Variants in NUDT3 observed in about 807,000 individuals in gnomAD.
NUDT3 encodes the protein diphosphoinositol polyphosphate phosphohydrolase 1.
A neutral mutation model predicts 23.6 loss-of-function variants in NUDT3; 9 were observed. That is an observed-to-expected ratio of 0.38 (90% CI 0.23 to 0.66). The LOEUF (loss-of-function observed/expected upper bound fraction) is 0.66. Ranked by LOEUF, NUDT3 falls within the 30% of genes least tolerant of loss-of-function variation. The pLI, the probability that NUDT3 is intolerant of heterozygous loss-of-function variation, is 0.52. For missense variants in NUDT3, 172 were observed against 218.5 expected, an observed-to-expected ratio of 0.79 and a Z score of 1.34; for synonymous variants, 86 against 82.6, an observed-to-expected ratio of 1.04 and a Z score of -0.22.
At chr6:34,294,293 G>C (rs1351356011) in intron 3 of NUDT3, among the ~76,000 whole-genome samples, 1 of 151,532 alleles carries the variant, frequency 6.6e-6, no homozygotes, top group African/African-American at 2.4e-5. Context: ...GCCAATTTTT[G>C]TATTTTTTTG....
At chr6:34,342,320 T>TTGTCACTG (rs1764301433) in intron 1 of NUDT3, among the ~76,000 whole-genome samples, 1 of 142,644 alleles carries the variant, frequency 7.0e-6, no homozygotes, top group South Asian at 2.2e-4. Flanking sequence ...AAAAAGAGGA[T>TTGTCACTG]TGTCACTGAT....
chr6:34,321,472 C>T lies in NUDT3; in HGVS notation c.210+20390G>A, dbSNP rs575124620. Among the ~76,000 whole-genome samples the T allele has an allele frequency of 3.3e-4, 50 of 151,924 alleles. 1 individual carries two copies. The highest frequency in any genetic ancestry group is 1.4e-3 in the Admixed American group (22 of 15,242). ...AATAATAATAAAATAATAATAATAA[C>T]GTGTTGTCTCCTTCATCATTAATAG... On this transcript the variant is annotated intron_variant, in intron 2 of 4. Transcript: ENST00000607016.
Position 34,283,088 on chromosome 6 carries a change from G to C in NUDT3, c.*5665C>G, listed in dbSNP as rs898282825. ...ACTATAAACAAAGCTTCAGGGAAGA[G>C]ACATAACCTTACTTCAAAAGCTTCA... On this transcript the variant is annotated 3_prime_UTR_variant, in exon 5 of 5. Coordinates refer to ENST00000607016, the MANE Select transcript of NUDT3 (RefSeq NM_006703.4). 5.3e-5 allele frequency: 8 copies of C among 151,892 alleles called. No homozygotes were observed. Among genetic ancestry groups the C allele is most frequent in the African/African-American group, 1.9e-4 (8 of 41,350 alleles). 9.4% of individuals were successfully genotyped at this position (151,892 alleles called of 1,614,324 possible).
chr6:34,297,760 A>ATATATATATTTT (rs1763535832), intron 2 of NUDT3, among the ~76,000 whole-genome samples: 23 of 53,604 alleles, frequency 4.3e-4, no homozygotes, highest in South Asian at 6.7e-4. Context: ...TATATATATA[A>ATATATATATTTT]TTTTTTTTTT....
intron 1 of NUDT3, among the ~76,000 whole-genome samples, chr6:34,379,530 A>G (rs1056916787): frequency 8.6e-5 from 13 of 151,974 alleles, no homozygotes; most frequent in African/African-American, 3.1e-4. Flanking sequence ...ACTGCACTCA[A>G]GCCTGGGCGA....
At position 34,279,717 on chromosome 6, in the gene NUDT3, T is replaced by C. The variant is rs1044609741; in HGVS notation, c.*9036A>G. The C allele has an allele frequency of 9.9e-5, 15 of 152,120 alleles. No individual in the cohort carries two copies. Among genetic ancestry groups the C allele is most frequent in the African/African-American group, 3.6e-4 (15 of 41,404 alleles). 9.4% of individuals were successfully genotyped at this position (152,120 alleles called of 1,614,324 possible). ...CTGGTTTTTATTGGTTGGCACAAGA[T>C]TACAACCTACAATTTCAATGCCCTT... is the stretch of plus-strand genomic sequence containing the variant. On this transcript the variant is annotated 3_prime_UTR_variant, in exon 5 of 5. Coordinates refer to ENST00000607016, the MANE Select transcript of NUDT3 (RefSeq NM_006703.4).
At chr6:34,329,138 C>T (rs1474342332) in intron 2 of NUDT3, among the ~76,000 whole-genome samples, 1 of 152,090 alleles carries the variant, frequency 6.6e-6, no homozygotes, top group African/African-American at 2.4e-5. Context: ...ATTCTGCTTT[C>T]CTGTTAGAGA....
chr6:34,392,123 C>T (rs1329212617), intron 1 of NUDT3, 141 bp downstream of exon 1: 22 of 621,542 alleles, frequency 3.5e-5, no homozygotes, highest in Admixed American at 3.5e-5. Context: ...CTTTTTTCGC[C>T]TCAGGAAATT....
intron 2 of NUDT3, among the ~76,000 whole-genome samples, chr6:34,327,302 G>A (rs982938693): frequency 7.2e-5 from 11 of 151,890 alleles, no homozygotes; most frequent in South Asian, 4.2e-4. Context: ...AGGCCGAGGC[G>A]GGTGGATCAC....
In NUDT3 at chr6:34,285,453, T is replaced by C. The variant is rs1018624324; in HGVS notation, c.*3300A>G. Reference sequence around the variant, plus strand: ...CTGCTATCTTCTTCTGTCCTGAGTTTGGTAGACTTTAATGGATGCTCCAGC... The same window carrying C: ...CTGCTATCTTCTTCTGTCCTGAGTTCGGTAGACTTTAATGGATGCTCCAGC... On this transcript the variant is annotated 3_prime_UTR_variant, in exon 5 of 5. Coordinates refer to ENST00000607016, the MANE Select transcript of NUDT3 (RefSeq NM_006703.4). 2.6e-5 allele frequency: 4 copies of C among 152,222 alleles called. No individual in the cohort carries two copies. The highest frequency in any genetic ancestry group is 9.7e-5 in the African/African-American group (4 of 41,448). 9.4% of individuals were successfully genotyped at this position (152,222 alleles called of 1,614,324 possible).
intron 2 of NUDT3, among the ~76,000 whole-genome samples, chr6:34,302,686 T>G (rs2113702454): frequency 6.6e-6 from 1 of 152,172 alleles, no homozygotes; most frequent in African/African-American, 2.4e-5. Flanking sequence ...GAGCCAAGAT[T>G]GCGCCACTGC....
intron 2 of NUDT3, among the ~76,000 whole-genome samples, chr6:34,337,503 C>G (rs1344870988): frequency 6.6e-6 from 1 of 152,224 alleles, no homozygotes; most frequent in Non-Finnish European, 1.5e-5. Context: ...CTATTTCACA[C>G]TATTCTCCCT....
rs143758640 is a variant in NUDT3 at position 34,309,634 on chromosome 6, A to T, written c.211-13949T>A. Among the ~76,000 whole-genome samples the T allele has an allele frequency of 2.6e-5, 4 of 152,184 alleles. No individual in the cohort carries two copies. In the East Asian group the frequency reaches 7.7e-4, roughly 29 times the overall value. On this transcript the variant is annotated intron_variant, in intron 2 of 4. Transcript: ENST00000607016. ...CAGTAAAATTAAAAAGCCTAAAAGT[A>T]TACAAACGTATGTTTAAAATATGTA...
intron 2 of NUDT3, among the ~76,000 whole-genome samples, chr6:34,321,498 A>G (rs182917183): frequency 1.1e-4 from 16 of 152,252 alleles, no homozygotes; most frequent in South Asian, 8.3e-4. Context: ...TCATTAATAG[A>G]ATTAGTTTTA....
intron 1 of NUDT3, among the ~76,000 whole-genome samples, chr6:34,352,629 A>G (rs936593669): frequency 9.2e-5 from 14 of 152,182 alleles, no homozygotes; most frequent in Non-Finnish European, 1.9e-4. Context: ...TAGCCTCCAT[A>G]ATACATGCTC....
rs116397376 is a variant in NUDT3, at chr6:34,323,520, T to C, written c.210+18342A>G. Among the ~76,000 whole-genome samples the C allele has an allele frequency of 1.3e-3, 200 of 151,644 alleles. 1 individual carries two copies. The East Asian group carries it at 0.013, about 10-fold the overall frequency. ...CGGTAGACGTGACAGTAAGCAGAGA[T>C]TGCACCACTGTACTCCAGCCTGGGT... On this transcript the variant is annotated intron_variant, in intron 2 of 4. Transcript: ENST00000607016.
chr6:34,390,955 A>C (rs1057464678), intron 1 of NUDT3, among the ~76,000 whole-genome samples: 3 of 152,192 alleles, frequency 2.0e-5, no homozygotes, highest in African/African-American at 7.2e-5. Context: ...ATTACAATGC[A>C]TCTGTTTTGG....
At chr6:34,371,204 C>T (rs1463574134) in intron 1 of NUDT3, among the ~76,000 whole-genome samples, 1 of 152,016 alleles carries the variant, frequency 6.6e-6, no homozygotes, top group Non-Finnish European at 1.5e-5. Context: ...GGTGCGGTAG[C>T]TCATGCCTGT....
intron 2 of NUDT3, among the ~76,000 whole-genome samples, chr6:34,299,562 C>A (rs1055651361): frequency 4.6e-5 from 7 of 151,164 alleles, no homozygotes; most frequent in Non-Finnish European, 1.0e-4. Flanking sequence ...GTAGCTGGGG[C>A]TATAGGCATG....
Sources: allele counts gnomAD v4.1 joint callset (sites outside exome capture counted in the v4.1 genomes callset), GRCh38; gene constraint gnomAD v4.1.1; transcripts MANE v1.5; gene names NCBI Gene and HGNC (gene_info 2026-07-23, HGNC 2026-07-21).